The following NIPAL1 variants were observed in gnomAD, a reference collection of about 807,000 sequenced individuals.
NIPAL1 encodes the protein magnesium transporter NIPA3.
A neutral mutation model predicts 37.7 loss-of-function variants in NIPAL1; 35 were observed. The observed-to-expected ratio is 0.93, with a 90% CI of 0.71 to 1.23. The LOEUF (loss-of-function observed/expected upper bound fraction) is 1.23, where lower values mean the gene tolerates loss of function less well. NIPAL1 is among the 50% of genes most tolerant of loss of function. NIPAL1 has a pLI of 0.00. For synonymous variants in NIPAL1, 162 were observed against 183.0 expected (o/e 0.89, Z 0.93); for missense variants, 412 against 473.9 (o/e 0.87, Z 1.21).
At chr4:48,029,265 T>A (rs1715765545) in intron 2 of NIPAL1, among the ~76,000 whole-genome samples, 1 of 152,178 alleles carries the variant, frequency 6.6e-6, no homozygotes, top group African/African-American at 2.4e-5. Context: ...AAATCATATC[T>A]TTTGCAGCAA....
intron 2 of NIPAL1, among the ~76,000 whole-genome samples, chr4:48,028,249 T>C (rs1715735340): frequency 6.6e-6 from 1 of 152,014 alleles, no homozygotes; most frequent in East Asian, 1.9e-4. Flanking sequence ...TGGAACAGAA[T>C]AGAGAACCCA....
intron 3 of NIPAL1, among the ~76,000 whole-genome samples, chr4:48,031,715 A>G (rs1276805600): frequency 6.6e-6 from 1 of 152,158 alleles, no homozygotes; most frequent in African/African-American, 2.4e-5. Flanking sequence ...AAAGTATCCA[A>G]GGAAACCTTA....
chr4:48,016,825 C>T lies in NIPAL1; in HGVS notation c.-15C>T. 6.4e-7 allele frequency: 1 copy of T among 1,568,880 alleles called. No individual in the cohort carries two copies. Among genetic ancestry groups the T allele is most frequent in the Non-Finnish European group, 8.6e-7 (1 of 1,162,096 alleles). ...GGAGCAAGCGCCCGCGTTCCGGAAG[C>T]CCGCTCCCGGGGCCATGGGGGCACA... On this transcript the variant is annotated 5_prime_UTR_variant, in exon 1 of 6. Coordinates refer to ENST00000295461, the MANE Select transcript of NIPAL1 (RefSeq NM_207330.3).
intron 2 of NIPAL1, among the ~76,000 whole-genome samples, chr4:48,025,846 C>T (rs904915147): frequency 1.3e-5 from 2 of 152,120 alleles, no homozygotes; most frequent in African/African-American, 4.8e-5. Context: ...TTGCTTTTCT[C>T]CCCATCACCT....
At chr4:48,020,269 G>A (rs879743251) in intron 1 of NIPAL1, among the ~76,000 whole-genome samples, 3 of 152,188 alleles carry the variant, frequency 2.0e-5, no homozygotes, top group Non-Finnish European at 4.4e-5. Flanking sequence ...CAAAGTTAGT[G>A]AGGAGTTGAG....
chr4:48,026,792 C>T (rs1033519405), intron 2 of NIPAL1, among the ~76,000 whole-genome samples: 2 of 151,416 alleles, frequency 1.3e-5, no homozygotes, highest in Admixed American at 6.6e-5. Flanking sequence ...GATCTCGGCT[C>T]ACTGCAACCT....
rs1383521255 is a variant in NIPAL1, at chr4:48,025,103, C to G, written c.82C>G (p.Gln28Glu). The G allele has an allele frequency of 1.2e-6, 2 of 1,613,900 alleles. No individual in the cohort carries two copies. Among genetic ancestry groups the G allele is most frequent in the African/African-American group, 2.7e-5 (2 of 74,932 alleles). Reference protein sequence around the residue: ...VLSLVCPNSSQAWCEITNVSQ... With the variant: ...VLSLVCPNSSEAWCEITNVSQ... ...GTCTCTGGTCTGTCCAAACTCCTCC[C>G]AGGCTTGGTGTGAGATCACAAATGT... Residue 28 changes from glutamine to glutamate, a missense_variant, in exon 2 of 6, where the codon CAG (glutamine) becomes GAG (glutamate). Coordinates refer to ENST00000295461, the MANE Select transcript of NIPAL1 (RefSeq NM_207330.3).
chr4:48,029,226 T>C (rs990138296), intron 2 of NIPAL1, among the ~76,000 whole-genome samples: 6 of 152,168 alleles, frequency 3.9e-5, no homozygotes, highest in African/African-American at 1.4e-4. Context: ...ACACACACCA[T>C]AGAATACTAC....
chr4:48,018,226 T>C (rs1348289727), intron 1 of NIPAL1, among the ~76,000 whole-genome samples: 2 of 152,216 alleles, frequency 1.3e-5, no homozygotes, highest in Non-Finnish European at 2.9e-5. Flanking sequence ...TTCTAAATAA[T>C]TTCTAACCCA....
At chr4:48,031,940 T>C (rs1045311814) in intron 3 of NIPAL1, among the ~76,000 whole-genome samples, 2 of 152,190 alleles carry the variant, frequency 1.3e-5, no homozygotes, top group Non-Finnish European at 2.9e-5. Flanking sequence ...GGTTTCACCA[T>C]GTTGGCCAGG....
intron 2 of NIPAL1, among the ~76,000 whole-genome samples, chr4:48,028,149 T>A (rs1395813709): frequency 6.6e-6 from 1 of 152,106 alleles, no homozygotes; most frequent in South Asian, 2.1e-4. Context: ...AGAACAAAGC[T>A]GGAGGTATCA....
chr4:48,025,012 A>G, intron 1 of NIPAL1, 56 bp from the exon 2 acceptor site: 1 of 1,479,456 alleles, frequency 6.8e-7, no homozygotes, highest in South Asian at 1.2e-5. Context: ...GAAAGCCGGT[A>G]AGCATTAATA....
chr4:48,040,020 AAT>A lies in NIPAL1; in HGVS notation c.*3853_*3854del, dbSNP rs778026819. ...CCCCGCCAACAAAGCTTTGTGGAAAAATATATGAATATATGAAATGTTCTCAA... is the reference window on the plus strand; with the variant it reads ...CCCCGCCAACAAAGCTTTGTGGAAAAATATGAATATATGAAATGTTCTCAA... On this transcript the variant is annotated 3_prime_UTR_variant, in exon 6 of 6. Coordinates refer to ENST00000295461, the MANE Select transcript of NIPAL1 (RefSeq NM_207330.3). The A allele has an allele frequency of 6.6e-6, 1 of 152,242 alleles. No individual in the cohort carries two copies. The highest frequency in any genetic ancestry group is 1.5e-5 in the Non-Finnish European group (1 of 68,034). The allele number at this position is 152,242 out of a possible 1,614,324, so 9.4% of individuals were successfully genotyped here.
rs1383254343 is a variant in NIPAL1, at chr4:48,027,939, AC to A, written c.314-2180del. 4.6e-5 allele frequency among the ~76,000 whole-genome samples: 7 copies of A among 152,198 alleles called. No individual in the cohort carries two copies. Among genetic ancestry groups the A allele is most frequent in the African/African-American group, 1.7e-4 (7 of 41,460 alleles). On this transcript the variant is annotated intron_variant, in intron 2 of 5. Transcript: ENST00000295461. This position sits in a 1 kb window ranked among gnomAD's most constrained non-coding sequence, Gnocchi z 4.1. ...GTCCTCATTACTACCAATGTAATTT[AC>A]TATTTATGTTTTCTGTTTTTAATTT...
intron 1 of NIPAL1, among the ~76,000 whole-genome samples, chr4:48,017,555 A>C (rs547722436): frequency 2.3e-4 from 35 of 152,216 alleles, no homozygotes; most frequent in Non-Finnish European, 4.3e-4. Context: ...ACTCGTTTGC[A>C]GGCTCTTCTT....
chr4:48,034,787 C>A, intron 4 of NIPAL1, 94 bp from the exon 5 acceptor site: 1 of 883,810 alleles, frequency 1.1e-6, no homozygotes, highest in Non-Finnish European at 1.8e-6. Context: ...CATTGGGATA[C>A]ATGGTGGCAT....
intron 2 of NIPAL1, among the ~76,000 whole-genome samples, chr4:48,028,375 A>G (rs1020061914): frequency 6.6e-6 from 1 of 152,114 alleles, no homozygotes; most frequent in African/African-American, 2.4e-5. Flanking sequence ...AGAACCATAT[A>G]TAGAAGAACG....
intron 3 of NIPAL1, among the ~76,000 whole-genome samples, chr4:48,030,586 G>A (rs1231811643): frequency 6.6e-6 from 1 of 152,186 alleles, no homozygotes; most frequent in African/African-American, 2.4e-5. Context: ...GGACAACACG[G>A]ATAAGTGAAA....
Position 48,035,018 on chromosome 4 carries a change from T to A in NIPAL1, c.599T>A (p.Met200Lys). ...QEEEVTSLHE[M>K]EMKLRDPGFI... ...GAGGAAGTCACATCTTTGCATGAAA[T>A]GGAAATGAAATTGAGAGACCCAGGT... The change falls in exon 5 of 6, where the codon ATG becomes AAG. Residue 200 changes from methionine (M) to lysine (K), a missense_variant. Physicochemically the swap from Met to Lys is moderately conservative, Grantham distance 95. Coordinates refer to ENST00000295461, the MANE Select transcript of NIPAL1 (RefSeq NM_207330.3). 1 of 1,614,006 alleles carries A rather than the reference T, an allele frequency of 6.2e-7. No homozygotes were observed. Among genetic ancestry groups the A allele is most frequent in the Non-Finnish European group, 8.5e-7 (1 of 1,179,938 alleles).
Sources: allele counts gnomAD v4.1 joint callset (sites outside exome capture counted in the v4.1 genomes callset), GRCh38; gene constraint gnomAD v4.1.1; non-coding constraint Gnocchi (gnomAD v3.1); transcripts MANE v1.5; gene names NCBI Gene and HGNC (gene_info 2026-07-23, HGNC 2026-07-21).